The following PRKDC variants were observed in gnomAD, a reference collection of about 807,000 sequenced individuals.
PRKDC encodes the protein protein kinase, DNA-activated, catalytic subunit.
Under a neutral mutation model 486.9 loss-of-function variants are expected in PRKDC, and 82 were observed. The ratio of observed to expected loss-of-function variants is 0.17; its 90% CI spans 0.14 to 0.20. The LOEUF (loss-of-function observed/expected upper bound fraction) is 0.20. Ranked by LOEUF, PRKDC falls within the 10% of genes least tolerant of loss-of-function variation. PRKDC has a pLI of 1.00. For synonymous variants in PRKDC, 1,895 were observed against 1,837.0 expected (o/e 1.03, Z -0.81); for missense variants, 4,504 against 5,038.2 (o/e 0.89, Z 3.21).
intron 28 of PRKDC, among the ~76,000 whole-genome samples, chr8:47,898,957 T>C (rs8178081): frequency 3.3e-5 from 5 of 152,240 alleles, no homozygotes; most frequent in African/African-American, 1.2e-4. Flanking sequence ...CCAGAGCCTG[T>C]GGACTTCAAT....
chr8:47,840,357 T>C (rs961113038), intron 54 of PRKDC, among the ~76,000 whole-genome samples, 168 bp from the exon 55 acceptor site: 4 of 152,202 alleles, frequency 2.6e-5, no homozygotes, highest in Non-Finnish European at 4.4e-5. Flanking sequence ...GATTATCAAA[T>C]ATAAGACAAA....
At chr8:47,952,873 C>T (rs759037205) in intron 7 of PRKDC, among the ~76,000 whole-genome samples, 5 of 152,130 alleles carry the variant, frequency 3.3e-5, no homozygotes, top group Non-Finnish European at 7.4e-5. Flanking sequence ...GGTGCGGTGG[C>T]TCATGCCTGT....
At chr8:47,860,053 A>T (rs1229115782) in intron 45 of PRKDC, among the ~76,000 whole-genome samples, 1 of 152,224 alleles carries the variant, frequency 6.6e-6, no homozygotes, top group Non-Finnish European at 1.5e-5. Flanking sequence ...AATTTTGATG[A>T]TGTACATTTT....
At chr8:47,857,359 T>C (rs1019777047) in intron 48 of PRKDC, 60 bp from the exon 49 acceptor site, 1 of 1,511,378 alleles carries the variant, frequency 6.6e-7, no homozygotes, top group African/African-American at 1.4e-5. Context: ...AAAATATTAA[T>C]ACAAGACTGT....
chr8:47,839,817 A>G (rs1361276629), intron 55 of PRKDC, among the ~76,000 whole-genome samples, 199 bp downstream of exon 55: 1 of 152,200 alleles, frequency 6.6e-6, no homozygotes, highest in African/African-American at 2.4e-5. Context: ...CACAAAAAAT[A>G]AACAAAATTA....
chr8:47,877,633 C>CA (rs1463327707), intron 40 of PRKDC, 91 bp downstream of exon 40: 6 of 1,262,838 alleles, frequency 4.8e-6, no homozygotes, highest in Non-Finnish European at 5.2e-6. Context: ...AATATAATTG[C>CA]CACTCAGCTT....
rs936824267 is a variant in PRKDC at position 47,837,283 on chromosome 8, C to T, written c.7690G>A (p.Glu2564Lys). The change falls in exon 57 of 86, where the codon GAA (glutamate) becomes AAA (lysine). Residue 2564 changes from glutamate (E) to lysine (K), a missense_variant. Glu to Lys is a moderately conservative substitution (Grantham distance 56). Coordinates refer to ENST00000314191, the MANE Select transcript of PRKDC (RefSeq NM_006904.7). ...TAATCTGGGCTCATGCTGGTCATTTCGAGCAGAAAATTTGTTGCTAAACTT... is the reference window on the plus strand; with the variant it reads ...TAATCTGGGCTCATGCTGGTCATTTTGAGCAGAAAATTTGTTGCTAAACTT... ...FLSLATNFLLEMTSMSPDYPN... is the reference protein window; with the variant it reads ...FLSLATNFLLKMTSMSPDYPN... The T allele has an allele frequency of 5.6e-6, 9 of 1,613,676 alleles. No homozygotes were observed. Among genetic ancestry groups the T allele is most frequent in the African/African-American group, 1.3e-5 (1 of 74,918 alleles).
Position 47,808,553 on chromosome 8 carries a change from C to T in PRKDC, c.9558-1227G>A, listed in dbSNP as rs142989136. On this transcript the variant is annotated intron_variant, in intron 68 of 85. Coordinates refer to ENST00000314191, the MANE Select transcript of PRKDC (RefSeq NM_006904.7). ...TCACAGATGTAATCATAGCACACTA[C>T]AGCCTTGAATTCCTGGGCTCAAGCA... 4.0e-3 allele frequency among the ~76,000 whole-genome samples: 606 copies of T among 152,266 alleles called. 4 individuals are homozygous for T. The highest frequency in any genetic ancestry group is 0.025 in the South Asian group (120 of 4,824).
At chr8:47,798,497 T>C in intron 72 of PRKDC, 100 bp from the exon 73 acceptor site, 1 of 1,256,996 alleles carries the variant, frequency 8.0e-7, no homozygotes, top group Non-Finnish European at 1.1e-6. Context: ...GCTTGTATTT[T>C]GTAGTGTCAT....
At position 47,911,525 on chromosome 8, in the gene PRKDC, G is replaced by A. The variant is rs193023269; in HGVS notation, c.2934+885C>T. Reference sequence around the variant, plus strand: ...ACTATGAGCTCTATTTAATCACAGTGCATCTGAACATACTGCTGGACTATA... The same window carrying A: ...ACTATGAGCTCTATTTAATCACAGTACATCTGAACATACTGCTGGACTATA... On this transcript the variant is annotated intron_variant, in intron 25 of 85. Coordinates refer to ENST00000314191, the MANE Select transcript of PRKDC (RefSeq NM_006904.7). Among the ~76,000 whole-genome samples, 332 of 152,256 alleles carry A rather than the reference G, an allele frequency of 2.2e-3. 5 individuals carry two copies. The highest frequency in any genetic ancestry group is 2.8e-4 in the Non-Finnish European group (19 of 68,020).
At chr8:47,814,708 GAACTCGAT>G (rs2087405541) in intron 68 of PRKDC, among the ~76,000 whole-genome samples, 1 of 152,040 alleles carries the variant, frequency 6.6e-6, no homozygotes, top group Non-Finnish European at 1.5e-5. Context: ...CCATATTAAT[GAACTCGAT>G]AACTCTATAT....
chr8:47,788,773 C>A, intron 76 of PRKDC, 133 bp downstream of exon 76: 1 of 986,042 alleles, frequency 1.0e-6, no homozygotes, highest in Non-Finnish European at 1.4e-6. Context: ...CTAAAGCATT[C>A]AACAGACATT....
chr8:47,889,165 A>G lies in PRKDC; in HGVS notation c.4129T>C (p.Cys1377Arg). ...TTGAAACCTATGCTTGCGGGCTCAC[A>G]CAGCGTCTGCACCAGGACTCTCATC... The part of the protein sequence containing the change: ...HLMRVLVQTL[C>R]EPASIGFNIG... Residue 1377 changes from cysteine to arginine, a missense_variant, in exon 33 of 86, where the codon TGT becomes CGT. By Grantham distance (180) the Cys-to-Arg change is radical (BLOSUM62 -3). Transcript: ENST00000314191. 1.2e-6 allele frequency: 2 copies of G among 1,613,944 alleles called. No homozygotes were observed. The highest frequency in any genetic ancestry group is 1.7e-6 in the Non-Finnish European group (2 of 1,179,900).
chr8:47,930,480 G>C (rs1364456368), intron 17 of PRKDC, among the ~76,000 whole-genome samples, 192 bp downstream of exon 17: 1 of 152,132 alleles, frequency 6.6e-6, no homozygotes, highest in Non-Finnish European at 1.5e-5. Context: ...CACCATGTTA[G>C]CCAGGATAGT....
chr8:47,802,393 A>G (rs2087126278), intron 70 of PRKDC, among the ~76,000 whole-genome samples: 1 of 151,978 alleles, frequency 6.6e-6, no homozygotes, highest in Non-Finnish European at 1.5e-5. Context: ...AGGGCAACAG[A>G]GCGGGGGACC....
rs752714250 is a variant in PRKDC, at chr8:47,930,888, G to C, written c.1777-101C>G. 10 of 1,149,330 alleles carry C rather than the reference G, an allele frequency of 8.7e-6. No homozygotes were observed. In the South Asian group the frequency reaches 1.5e-4, roughly 17 times the overall value. 71.2% of individuals were successfully genotyped at this position (1,149,330 alleles called of 1,614,324 possible). Reference sequence around the variant, plus strand: ...CTTCATGGTCAAGGCCTGATGCTACGAAGAAAGATTGCAACAGCGAGAAAG... The same window carrying C: ...CTTCATGGTCAAGGCCTGATGCTACCAAGAAAGATTGCAACAGCGAGAAAG... On this transcript the variant is annotated intron_variant, in intron 16 of 85. Transcript: ENST00000314191.
intron 10 of PRKDC, among the ~76,000 whole-genome samples, chr8:47,942,539 G>T (rs753939318): frequency 1.5e-4 from 23 of 152,176 alleles, no homozygotes; most frequent in Non-Finnish European, 3.2e-4. Flanking sequence ...GGTTTGCATG[G>T]ATACCCTGTG....
intron 84 of PRKDC, among the ~76,000 whole-genome samples, chr8:47,777,212 A>ATT (rs536284158): frequency 2.0e-5 from 3 of 146,718 alleles, no homozygotes; most frequent in East Asian, 4.0e-4. Flanking sequence ...TTGCCTGTTA[A>ATT]TTTTTTTTTT....
chr8:47,931,528 C>A (rs1210634191), intron 16 of PRKDC, among the ~76,000 whole-genome samples: 1 of 151,478 alleles, frequency 6.6e-6, no homozygotes, highest in Non-Finnish European at 1.5e-5. Flanking sequence ...TTATTTTAGA[C>A]ATTTGCAAAG....
Sources: gnomAD v4.1 joint callset for allele counts (sites outside exome capture counted in the v4.1 genomes callset) on GRCh38, gnomAD v4.1.1 for gene constraint, MANE v1.5 for transcripts, NCBI Gene and HGNC (gene_info 2026-07-23, HGNC 2026-07-21) for gene names.